Variants in DOCK4 observed in about 807,000 individuals in gnomAD.
The protein encoded by DOCK4 is dedicator of cytokinesis 4.
Under a neutral mutation model 268.1 loss-of-function variants are expected in DOCK4, and 97 were observed. The observed-to-expected ratio is 0.36, with a 90% confidence interval of 0.31 to 0.43. The LOEUF (loss-of-function observed/expected upper bound fraction) is 0.43, where lower values mean the gene tolerates loss of function less well. Among genes scored for constraint, DOCK4 ranks in the 20% least tolerant of loss-of-function variants. The pLI, the probability that DOCK4 is intolerant of heterozygous loss-of-function variation, is 1.00. For missense variants in DOCK4, 2,145 were observed against 2,455.7 expected, an observed-to-expected ratio of 0.87 and a Z score of 2.67; for synonymous variants, 954 against 887.2, an observed-to-expected ratio of 1.08 and a Z score of -1.34.
chr7:111,796,297 C>T (rs906256027), intron 30 of DOCK4, among the ~76,000 whole-genome samples: 2 of 152,212 alleles, frequency 1.3e-5, no homozygotes, highest in Non-Finnish European at 2.9e-5. Flanking sequence ...CTGAAAGTCC[C>T]TTTACATCAC....
At chr7:112,026,728 G>C (rs1802829409) in intron 1 of DOCK4, among the ~76,000 whole-genome samples, 2 of 152,158 alleles carry the variant, frequency 1.3e-5, no homozygotes, top group African/African-American at 4.8e-5. Flanking sequence ...TATAATGACA[G>C]AGTCCTGTGG....
intron 1 of DOCK4, among the ~76,000 whole-genome samples, chr7:112,114,960 C>T (rs1329426212): frequency 2.0e-5 from 3 of 152,180 alleles, no homozygotes; most frequent in Non-Finnish European, 2.9e-5. Context: ...CCCTAGACTC[C>T]ACCTTGAGAG....
At chr7:111,883,809 G>C (rs1807615818) in intron 16 of DOCK4, among the ~76,000 whole-genome samples, 1 of 152,124 alleles carries the variant, frequency 6.6e-6, no homozygotes, top group Non-Finnish European at 1.5e-5. Context: ...GAGTCTGTCT[G>C]AGTTATGACA....
intron 8 of DOCK4, among the ~76,000 whole-genome samples, chr7:111,969,100 A>C (rs1216691557): frequency 2.5e-5 from 3 of 118,568 alleles, no homozygotes; most frequent in Non-Finnish European, 5.1e-5. Context: ...TGGGAGATAT[A>C]CCTAATGCTA....
intron 32 of DOCK4, among the ~76,000 whole-genome samples, chr7:111,786,092 G>C (rs151100585): frequency 3.9e-5 from 6 of 152,332 alleles, no homozygotes; most frequent in African/African-American, 1.4e-4. Flanking sequence ...AAGGTATGGT[G>C]TCACATAGTG....
intron 25 of DOCK4, among the ~76,000 whole-genome samples, chr7:111,839,883 G>T (rs1563574527): frequency 6.6e-6 from 1 of 151,976 alleles, no homozygotes; most frequent in Non-Finnish European, 1.5e-5. Flanking sequence ...GGTTACATGA[G>T]TAAGTCTTTT....
intron 1 of DOCK4, among the ~76,000 whole-genome samples, chr7:112,205,562 C>A (rs1448267544): frequency 6.6e-6 from 1 of 152,104 alleles, no homozygotes; most frequent in Non-Finnish European, 1.5e-5. Flanking sequence ...CAGAGCGGCT[C>A]TCTCCAGGAC....
At chr7:111,803,733 T>C (rs1800465582) in intron 30 of DOCK4, among the ~76,000 whole-genome samples, 1 of 152,174 alleles carries the variant, frequency 6.6e-6, no homozygotes. Flanking sequence ...TGGGGGAAAA[T>C]ATATGCCTTC....
intron 1 of DOCK4, among the ~76,000 whole-genome samples, chr7:112,199,757 A>G (rs1357019818): frequency 6.6e-6 from 1 of 152,196 alleles, no homozygotes; most frequent in African/African-American, 2.4e-5. Flanking sequence ...GTAAACCATT[A>G]TCTTTACTCT....
chr7:111,822,995 T>C (rs1271616151), intron 26 of DOCK4, among the ~76,000 whole-genome samples: 1 of 152,156 alleles, frequency 6.6e-6, no homozygotes, highest in Non-Finnish European at 1.5e-5. Flanking sequence ...TGAGTGAATT[T>C]TCCAGAGTGT....
chr7:111,972,677 T>C (rs1797813668), intron 8 of DOCK4, among the ~76,000 whole-genome samples: 1 of 151,746 alleles, frequency 6.6e-6, no homozygotes, highest in African/African-American at 2.4e-5. Context: ...TCTACCCTTT[T>C]TTACGTTTTT....
At chr7:111,817,424 T>C (rs1801639922) in intron 27 of DOCK4, among the ~76,000 whole-genome samples, 1 of 151,394 alleles carries the variant, frequency 6.6e-6, no homozygotes, top group African/African-American at 2.4e-5. Context: ...CCTGTTATTA[T>C]GGATAAACTG....
At chr7:112,033,049 T>C (rs1408843959) in intron 1 of DOCK4, among the ~76,000 whole-genome samples, 1 of 152,190 alleles carries the variant, frequency 6.6e-6, no homozygotes, top group Non-Finnish European at 1.5e-5. Context: ...AGCAATAATC[T>C]GAGTAAGCAA....
Position 111,728,553 on chromosome 7 carries a change from G to A in DOCK4, c.5649C>T (p.Ala1883=), listed in dbSNP as rs905186236. 18 of 1,613,904 alleles carry A rather than the reference G, an allele frequency of 1.1e-5. No individual in the cohort carries two copies. Among genetic ancestry groups the A allele is most frequent in the Admixed American group, 8.3e-5 (5 of 60,036 alleles). ...GFENQVNEQS[A]PLPVPVPVPV... is the part of the protein sequence containing the mutation. ...GCACCGGCACTGGCACCGGCAGGGG[G>A]GCCGACTGTTCATTCACCTGATTTT... The change falls in exon 53 of 53, where the codon GCC becomes GCT. Residue 1883 remains alanine, a synonymous_variant. Transcript: ENST00000428084.
intron 47 of DOCK4, among the ~76,000 whole-genome samples, chr7:111,740,396 T>C (rs916949789): frequency 6.8e-6 from 1 of 147,102 alleles, no homozygotes; most frequent in Non-Finnish European, 1.5e-5. Context: ...CCACTGCACC[T>C]AGCCAAATCA....
At chr7:111,862,571 A>T (rs1253372285) in intron 23 of DOCK4, among the ~76,000 whole-genome samples, 2 of 140,344 alleles carry the variant, frequency 1.4e-5, no homozygotes. Flanking sequence ...GCTCACTGCA[A>T]CCTCTGTCTT....
intron 13 of DOCK4, among the ~76,000 whole-genome samples, chr7:111,903,553 T>G (rs1791321126): frequency 6.6e-6 from 1 of 152,262 alleles, no homozygotes; most frequent in Non-Finnish European, 1.5e-5. Flanking sequence ...GTACATTTTA[T>G]GTTTATTAGA....
intron 1 of DOCK4, among the ~76,000 whole-genome samples, chr7:112,040,436 G>C (rs187948912): frequency 6.6e-6 from 1 of 152,158 alleles, no homozygotes; most frequent in Non-Finnish European, 1.5e-5. Flanking sequence ...ATGAAAAACT[G>C]ATCAAGAAGT....
intron 16 of DOCK4, among the ~76,000 whole-genome samples, chr7:111,888,574 G>C (rs1422760546): frequency 6.6e-6 from 1 of 152,076 alleles, no homozygotes; most frequent in African/African-American, 2.4e-5. Flanking sequence ...TGTGGCCATA[G>C]TGAAGTAGAA....
Sources: gnomAD v4.1 joint callset for allele counts (sites outside exome capture counted in the v4.1 genomes callset) on GRCh38, gnomAD v4.1.1 for gene constraint, MANE v1.5 for transcripts, NCBI Gene and HGNC (gene_info 2026-07-23, HGNC 2026-07-21) for gene names.